The following DHRS7 variants were observed in gnomAD, a reference collection of about 807,000 sequenced individuals.
DHRS7 encodes dehydrogenase/reductase SDR family member 7.
In DHRS7, 34 loss-of-function variants were observed where a neutral mutation model predicts 38.9. The observed-to-expected ratio is 0.87, with a 90% CI of 0.66 to 1.16. The LOEUF is 1.16. DHRS7 is among the 50% of genes most tolerant of loss of function. DHRS7 has a pLI of 0.00. For missense variants in DHRS7, 421 were observed against 407.0 expected, an observed-to-expected ratio of 1.03 and a Z score of -0.30; for synonymous variants, 158 against 153.1, an observed-to-expected ratio of 1.03 and a Z score of -0.24.
chr14:60,165,113 C>T lies in DHRS7; in HGVS notation c.133+64G>A. Reference sequence around the variant, plus strand: ...GATCACTGCAGAACCCCCGGAGACCCGGACACGCCTCGGCAGCTCCGAGCC... The same window carrying T: ...GATCACTGCAGAACCCCCGGAGACCTGGACACGCCTCGGCAGCTCCGAGCC... On this transcript the variant is annotated intron_variant, in intron 1 of 6. Transcript: ENST00000557185. The surrounding 1 kb of genome is among the most constrained non-coding windows in gnomAD (Gnocchi z 4.6). 3 of 1,589,488 alleles carry T rather than the reference C, an allele frequency of 1.9e-6. No individual in the cohort carries two copies. The highest frequency in any genetic ancestry group is 2.3e-5 in the East Asian group (1 of 43,924).
At chr14:60,167,653 G>T (rs1896884533), upstream of DHRS7, among the ~76,000 whole-genome samples, 1 of 152,228 alleles carries the variant, frequency 6.6e-6, no homozygotes, top group Non-Finnish European at 1.5e-5. Flanking sequence ...TCCAAGATCG[G>T]CAGTCCCTAG....
chr14:60,159,336 G>A (rs186403794), intron 1 of DHRS7: 4 of 400,598 alleles, frequency 1.0e-5, no homozygotes, highest in Non-Finnish European at 1.9e-5. Context: ...ATACAGAATT[G>A]AAGCCCTTCT....
rs73312144 is a variant in DHRS7 at position 60,149,606 on chromosome 14, G to A, written c.757-38C>T. 1.3e-5 allele frequency: 19 copies of A among 1,504,812 alleles called. No individual in the cohort carries two copies. The African/African-American group carries it at 1.9e-4, about 15-fold the overall frequency. The allele number at this position is 1,504,812 out of a possible 1,614,324, so 93.2% of individuals were successfully genotyped here. The stretch of plus-strand genomic sequence containing the variant: ...AAAAATTAAGTGAATTTATCCAAGC[G>A]ATTTCACATAACTTTAAGCTAGAAA... On this transcript the variant is annotated intron_variant, in intron 5 of 6. Coordinates refer to ENST00000557185, the MANE Select transcript of DHRS7 (RefSeq NM_016029.4).
In DHRS7 at chr14:60,144,675, G is replaced by A. The variant is rs381237; in HGVS notation, c.*291C>T. The A allele has an allele frequency of 0.21, 56,347 of 266,502 alleles. 8,883 individuals are homozygous for A. The highest frequency in any genetic ancestry group is 0.51 in the African/African-American group (22,314 of 43,500). The allele number at this position is 266,502 out of a possible 1,614,324, so 16.5% of individuals were successfully genotyped here. A position where few individuals can be genotyped will look rare whatever the true frequency, so the allele number is the denominator to read the frequency against. Reference sequence around the variant, plus strand: ...AAATCTGTGGTATTTTGTTATAGCAGCACAAATGGACTAAGACAAATCTGT... The same window carrying A: ...AAATCTGTGGTATTTTGTTATAGCAACACAAATGGACTAAGACAAATCTGT... On this transcript the variant is annotated 3_prime_UTR_variant, in exon 7 of 7. Transcript: ENST00000557185.
rs1358184420 is a variant in DHRS7 at position 60,162,954 on chromosome 14, G to C, written c.133+2223C>G. Among the ~76,000 whole-genome samples, 2 of 152,178 alleles carry C rather than the reference G, an allele frequency of 1.3e-5. No homozygotes were observed. Among genetic ancestry groups the C allele is most frequent in the Non-Finnish European group, 1.5e-5 (1 of 68,030 alleles). ...GGAGGCAGAGCGGGGTGGATCACCT[G>C]AGGTCAGGGGTTTGAGACTAGCCTG... is the stretch of plus-strand genomic sequence containing the variant. On this transcript the variant is annotated intron_variant, in intron 1 of 6. Transcript: ENST00000557185. The surrounding 1 kb of genome is among the most constrained non-coding windows in gnomAD (Gnocchi z 4.5).
In DHRS7 at chr14:60,162,785, C is replaced by CTTA. The variant is rs1266991404; in HGVS notation, c.133+2391_133+2392insTAA. ...TTTTAGACTTTTTTTTCCCCTAAAA[C>CTTA]TCTCCTGTGAAATGTTAATTCCACA... On this transcript the variant is annotated intron_variant, in intron 1 of 6. Transcript: ENST00000557185. This position sits in a 1 kb window ranked among gnomAD's most constrained non-coding sequence, Gnocchi z 4.5. 1.3e-5 allele frequency among the ~76,000 whole-genome samples: 2 copies of CTTA among 152,124 alleles called. No homozygotes were observed.
chr14:60,154,712 C>T (rs561834337), intron 2 of DHRS7, among the ~76,000 whole-genome samples: 55 of 152,306 alleles, frequency 3.6e-4, no homozygotes, highest in African/African-American at 1.2e-3. Flanking sequence ...GGTAAAAAGA[C>T]TTCATGGGCA....
At chr14:60,168,906 C>G (rs976692765), upstream of DHRS7, 4 of 864,398 alleles carry the variant, frequency 4.6e-6, no homozygotes, top group Admixed American at 3.7e-5. Context: ...AGTGGTTAGT[C>G]TAACTAACCC....
At chr14:60,166,082 T>C (rs1896863591), upstream of DHRS7, 1 of 346,222 alleles carries the variant, frequency 2.9e-6, no homozygotes, top group Non-Finnish European at 4.1e-6. Flanking sequence ...AAACAGAGAA[T>C]GTAATGAAAA....
At chr14:60,156,269 G>T in intron 1 of DHRS7, 117 bp from the exon 2 acceptor site, 13 of 760,488 alleles carry the variant, frequency 1.7e-5, no homozygotes, top group Non-Finnish European at 2.0e-5. Flanking sequence ...AAGGCATGAT[G>T]TATAGAGTTA....
At position 60,154,956 on chromosome 14, in the gene DHRS7, C is replaced by T. The variant is rs192156672; in HGVS notation, c.287-891G>A. Among the ~76,000 whole-genome samples, 102 of 152,046 alleles carry T rather than the reference C, an allele frequency of 6.7e-4. 1 individual carries two copies. The highest frequency in any genetic ancestry group is 2.3e-3 in the African/African-American group (95 of 41,452). ...AGTATCATGAAAGAGGCCTGTTGCC[C>T]TGCTGAGCACTACTGTGGCAACTAA... On this transcript the variant is annotated intron_variant, in intron 2 of 6. Transcript: ENST00000557185.
In DHRS7 at chr14:60,144,981, C is replaced by T. The variant is rs749664510; in HGVS notation, c.1005G>A (p.Lys335=). 2.0e-5 allele frequency: 32 copies of T among 1,603,140 alleles called. No individual in the cohort carries two copies. Among genetic ancestry groups the T allele is most frequent in the Non-Finnish European group, 2.6e-5 (31 of 1,177,032 alleles). ...GGTGCTCTTTTCAGTCATGTTTTGT[C>T]TTAAAGATTTTAAAATAAGAAGAGT... ...DADSSYFKIF[K]TKHD Residue 335 remains lysine, a synonymous_variant, in exon 7 of 7, where the codon AAG becomes AAA. Coordinates refer to ENST00000557185, the MANE Select transcript of DHRS7 (RefSeq NM_016029.4).
chr14:60,146,082 G>T lies in DHRS7; in HGVS notation c.973-1069C>A, dbSNP rs576767277. ...AGGAAGAGTACAGACTATAAAGAAT[G>T]AGGTATTATGTCCTAAAAATTGCTT... On this transcript the variant is annotated intron_variant, in intron 6 of 6. Transcript: ENST00000557185. The surrounding 1 kb of genome is among the most constrained non-coding windows in gnomAD (Gnocchi z 4.9). 4.0e-5 allele frequency: 6 copies of T among 151,102 alleles called. No homozygotes were observed. Among genetic ancestry groups the T allele is most frequent in the African/African-American group, 1.2e-4 (5 of 41,296 alleles). The allele number at this position is 151,102 out of a possible 1,614,324, so 9.4% of individuals were successfully genotyped here.
chr14:60,151,521 A>G (rs1252132395), intron 4 of DHRS7, among the ~76,000 whole-genome samples: 2 of 150,744 alleles, frequency 1.3e-5, no homozygotes, highest in Non-Finnish European at 2.9e-5. Context: ...ACAGTGCCAG[A>G]CTCAGAGATG....
At position 60,156,129 on chromosome 14, in the gene DHRS7, C is replaced by A; in HGVS notation, c.157G>T (p.Val53Leu). 6.3e-7 allele frequency: 1 copy of A among 1,596,574 alleles called. No homozygotes were observed. The highest frequency in any genetic ancestry group is 1.4e-5 in the African/African-American group (1 of 73,908). ...RPEWELTDMV[V>L]WVTGASSGIG... The stretch of plus-strand genomic sequence containing the variant: ...CCACTCGAGGCTCCAGTCACCCACA[C>A]CACCATATCAGTCAGCTCCCATTCT... The change falls in exon 2 of 7, where the codon GTG becomes TTG. Residue 53 changes from valine to leucine, a missense_variant. By Grantham distance (32) the Val-to-Leu change is conservative. Transcript: ENST00000557185.
Position 60,165,177 on chromosome 14 carries a change from C to G in DHRS7, c.133G>C (p.Glu45Gln). 6.2e-7 allele frequency: 1 copy of G among 1,611,816 alleles called. No individual in the cohort carries two copies. The highest frequency in any genetic ancestry group is 1.3e-5 in the African/African-American group (1 of 75,044). ...GGGAGAGGCTTTGGCCGGTCCTCAC[C>G]TGGGCGTCGTCCCTGCCACTCGGCC... ...LWAEWQGRRP[E>Q]WELTDMVVWV... The change falls in exon 1 of 7, where the codon GAA (glutamate) becomes CAA (glutamine). Residue 45 changes from glutamate to glutamine, a missense_variant and splice_region_variant. Glu to Gln is a conservative substitution (Grantham distance 29). Transcript: ENST00000557185. This position sits in a 1 kb window ranked among gnomAD's most constrained non-coding sequence, Gnocchi z 4.6.
At chr14:60,166,915 C>T (rs771587421), upstream of DHRS7, among the ~76,000 whole-genome samples, 1 of 150,088 alleles carries the variant, frequency 6.7e-6, no homozygotes, top group Non-Finnish European at 1.5e-5. Flanking sequence ...TTCTCCTTTC[C>T]TTGAAATTTA....
rs928657959 is a variant in DHRS7 at position 60,148,106 on chromosome 14, A to C, written c.972+1247T>G. 2.6e-5 allele frequency: 4 copies of C among 152,110 alleles called. No individual in the cohort carries two copies. Among genetic ancestry groups the C allele is most frequent in the Non-Finnish European group, 2.9e-5 (2 of 68,008 alleles). The allele number at this position is 152,110 out of a possible 1,614,324, so 9.4% of individuals were successfully genotyped here. On this transcript the variant is annotated intron_variant, in intron 6 of 6. Coordinates refer to ENST00000557185, the MANE Select transcript of DHRS7 (RefSeq NM_016029.4). This position sits in a 1 kb window ranked among gnomAD's most constrained non-coding sequence, Gnocchi z 4.8. ...ACTCTGGACATTTTAGTGTGTCATGACCCAGTCTGATAACCTTTTATGTCT... is the reference window on the plus strand; with the variant it reads ...ACTCTGGACATTTTAGTGTGTCATGCCCCAGTCTGATAACCTTTTATGTCT...
Position 60,161,256 on chromosome 14 carries a change from G to T in DHRS7, c.133+3921C>A, listed in dbSNP as rs189235366. The stretch of plus-strand genomic sequence containing the variant: ...ACTAATATAGCTTATGGTTATTAGA[G>T]CTGGGCTACCTTTAATCATGGAATA... On this transcript the variant is annotated intron_variant, in intron 1 of 6. Transcript: ENST00000557185. This position sits in a 1 kb window ranked among gnomAD's most constrained non-coding sequence, Gnocchi z 4.2. 3.4e-4 allele frequency among the ~76,000 whole-genome samples: 52 copies of T among 152,304 alleles called. 1 individual carries two copies. The highest frequency in any genetic ancestry group is 6.6e-4 in the Non-Finnish European group (45 of 68,024).
Sources: gnomAD v4.1 joint callset for allele counts (sites outside exome capture counted in the v4.1 genomes callset) on GRCh38, gnomAD v4.1.1 for gene constraint, Gnocchi (gnomAD v3.1) non-coding constraint, MANE v1.5 for transcripts, NCBI Gene and HGNC (gene_info 2026-07-23, HGNC 2026-07-21) for gene names.